Variants in TRDN observed in about 807,000 individuals in gnomAD.
The protein encoded by TRDN is triadin in skeletal muscle.
Under a neutral mutation model 149.7 loss-of-function variants are expected in TRDN, and 161 were observed. The ratio of observed to expected loss-of-function variants is 1.08; its 90% CI spans 0.95 to 1.23. The LOEUF (loss-of-function observed/expected upper bound fraction) is 1.23, where lower values mean the gene tolerates loss of function less well. TRDN is among the 50% of genes most tolerant of loss of function. TRDN has a pLI of 0.00. For synonymous variants in TRDN, 294 were observed against 250.5 expected (o/e 1.17, Z -1.64); for missense variants, 896 against 823.5 (o/e 1.09, Z -1.08).
At chr6:123,370,966 T>C (rs1163069149) in intron 19 of TRDN, among the ~76,000 whole-genome samples, 1 of 151,644 alleles carries the variant, frequency 6.6e-6, no homozygotes, top group Non-Finnish European at 1.5e-5. Flanking sequence ...TATTAATCTC[T>C]TGCTATTTAA....
At chr6:123,480,871 G>A (rs545520179) in intron 9 of TRDN, among the ~76,000 whole-genome samples, 1 of 152,050 alleles carries the variant, frequency 6.6e-6, no homozygotes, top group East Asian at 1.9e-4. Flanking sequence ...TTGATTTTAG[G>A]ATTCTACTAA....
intron 24 of TRDN, among the ~76,000 whole-genome samples, chr6:123,302,898 C>CTT (rs1400745979): frequency 6.6e-6 from 1 of 152,084 alleles, no homozygotes; most frequent in Non-Finnish European, 1.5e-5. Context: ...TTGGACCACA[C>CTT]TTTAAATAGT....
chr6:123,548,590 G>A lies in TRDN; in HGVS notation c.255C>T (p.Gly85=), dbSNP rs751369332. ...CACGTACCAGTTTTAAAGGATCTGA[G>A]CCAATCTTGGCAATAGAGCTTGCTA... The part of the protein sequence containing the change: ...NFSASSIAKI[G]SDPLKLVRDA... The change falls in exon 3 of 41, where the codon GGC becomes GGT. Residue 85 remains glycine (G), a synonymous_variant. Coordinates refer to ENST00000334268, the MANE Select transcript of TRDN (RefSeq NM_006073.4). The A allele has an allele frequency of 1.1e-5, 16 of 1,483,354 alleles. 1 individual carries two copies. In the South Asian group the frequency reaches 2.1e-4, roughly 19 times the overall value. 91.9% of individuals were successfully genotyped at this position (1,483,354 alleles called of 1,614,324 possible).
intron 2 of TRDN, among the ~76,000 whole-genome samples, chr6:123,556,923 T>A (rs1781695222): frequency 6.6e-6 from 1 of 152,084 alleles, no homozygotes; most frequent in South Asian, 2.1e-4. Context: ...GTTCCCACCT[T>A]AACTGATGAC....
At chr6:123,468,051 C>T (rs374119893) in intron 9 of TRDN, among the ~76,000 whole-genome samples, 1 of 152,058 alleles carries the variant, frequency 6.6e-6, no homozygotes, top group African/African-American at 2.4e-5. Context: ...ATGGCAGATA[C>T]TCAAAATATT....
chr6:123,348,865 G>C (rs527543865), intron 21 of TRDN, among the ~76,000 whole-genome samples: 1 of 152,136 alleles, frequency 6.6e-6, no homozygotes, highest in East Asian at 1.9e-4. Flanking sequence ...ACATAAAGTT[G>C]GTTATTTCCT....
chr6:123,498,598 T>C, intron 8 of TRDN: 1 of 471,062 alleles, frequency 2.1e-6, no homozygotes, highest in South Asian at 1.5e-5. Context: ...TGCCCTTTGA[T>C]GTACTGGCAG....
intron 24 of TRDN, among the ~76,000 whole-genome samples, chr6:123,293,601 C>G (rs1422878496): frequency 1.3e-5 from 2 of 152,038 alleles, no homozygotes; most frequent in African/African-American, 4.8e-5. Flanking sequence ...ATTGTCCTGC[C>G]ACCCCCATTG....
intron 24 of TRDN, among the ~76,000 whole-genome samples, chr6:123,304,684 C>T (rs993741286): frequency 5.3e-5 from 8 of 151,884 alleles, no homozygotes; most frequent in Admixed American, 1.3e-4. Context: ...ACTGTGTTTT[C>T]GGTGCACAGC....
At chr6:123,407,577 ATTCCCATATGC>A (rs1191938480) in intron 12 of TRDN, among the ~76,000 whole-genome samples, 2 of 151,914 alleles carry the variant, frequency 1.3e-5, no homozygotes, top group African/African-American at 4.8e-5. Context: ...CTCCCATAAA[ATTCCCATATGC>A]ATCTTGTTTT....
At chr6:123,321,997 A>G (rs997151378) in intron 23 of TRDN, among the ~76,000 whole-genome samples, 2 of 152,150 alleles carry the variant, frequency 1.3e-5, no homozygotes, top group African/African-American at 2.4e-5. Context: ...CTGCTACTAC[A>G]TAGCTTTTCA....
intron 1 of TRDN, among the ~76,000 whole-genome samples, chr6:123,595,411 C>T (rs1783985253): frequency 6.6e-6 from 1 of 152,092 alleles, no homozygotes; most frequent in Non-Finnish European, 1.5e-5. Flanking sequence ...ATTTGCCCTG[C>T]AGTGGATCCT....
intron 9 of TRDN, among the ~76,000 whole-genome samples, chr6:123,484,484 C>T (rs760163677): frequency 1.3e-5 from 2 of 152,144 alleles, no homozygotes; most frequent in Non-Finnish European, 2.9e-5. Context: ...ATAAATAACA[C>T]ATAATTATTT....
chr6:123,554,717 G>A (rs1038331188), intron 2 of TRDN, among the ~76,000 whole-genome samples: 4 of 151,986 alleles, frequency 2.6e-5, no homozygotes, highest in African/African-American at 9.6e-5. Flanking sequence ...GCCTAAGTTG[G>A]GAAGAAAGAA....
intron 9 of TRDN, among the ~76,000 whole-genome samples, chr6:123,474,959 A>G (rs1283124364): frequency 6.6e-6 from 1 of 152,222 alleles, no homozygotes; most frequent in African/African-American, 2.4e-5. Flanking sequence ...AAAGCAGGAA[A>G]GATCCAAAAT....
rs1786224585 is a variant in TRDN at position 123,635,019 on chromosome 6, A to G, written c.22+1735T>C. ...TAAAAAGTCTTTTGAATCAAATGCAAGTTCTACAAAACATAATCCACAAGC... is the reference window on the plus strand; with the variant it reads ...TAAAAAGTCTTTTGAATCAAATGCAGGTTCTACAAAACATAATCCACAAGC... On this transcript the variant is annotated intron_variant, in intron 1 of 40. Coordinates refer to ENST00000334268, the MANE Select transcript of TRDN (RefSeq NM_006073.4). Among the ~76,000 whole-genome samples the G allele has an allele frequency of 1.3e-5, 2 of 151,964 alleles. 1 individual carries two copies. Among genetic ancestry groups the G allele is most frequent in the African/African-American group, 4.8e-5 (2 of 41,416 alleles).
Position 123,273,337 on chromosome 6 carries a change from T to A in TRDN, c.1624A>T (p.Lys542Ter), listed in dbSNP as rs1253085578. Residue 542 changes from lysine to a stop codon, truncating the protein, a stop_gained and splice_region_variant, in exon 28 of 41, where the codon AAA becomes TAA. Transcript: ENST00000334268. LOFTEE classifies it high-confidence loss of function. ...PAISEKVQIH[K>*]QDIVKPEKTV... ...CATAAAAGATAAAATTAATACATACTGTGTATTTGCACTTTTTCAGATATA... is the reference window on the plus strand; with the variant it reads ...CATAAAAGATAAAATTAATACATACAGTGTATTTGCACTTTTTCAGATATA... 2.8e-6 allele frequency: 3 copies of A among 1,065,478 alleles called. No homozygotes were observed. Among genetic ancestry groups the A allele is most frequent in the Non-Finnish European group, 3.8e-6 (3 of 787,436 alleles). 66.0% of individuals were successfully genotyped at this position (1,065,478 alleles called of 1,614,324 possible).
chr6:123,326,999 A>G (rs897246913), intron 23 of TRDN, among the ~76,000 whole-genome samples: 1 of 152,080 alleles, frequency 6.6e-6, no homozygotes, highest in Non-Finnish European at 1.5e-5. Flanking sequence ...CAAAAGCTAT[A>G]TATATTCTTC....
At position 123,503,412 on chromosome 6, in the gene TRDN, A is replaced by C. The variant is rs987135162; in HGVS notation, c.793+307T>G. On this transcript the variant is annotated intron_variant, in intron 8 of 40. Coordinates refer to ENST00000334268, the MANE Select transcript of TRDN (RefSeq NM_006073.4). ...TACAATCTTTATTCCACCTCTTAAT[A>C]GACATTCCATATCTCAAAAATTCAA... The C allele has an allele frequency of 1.7e-5, 17 of 985,174 alleles. No homozygotes were observed. The Admixed American group carries it at 5.5e-4, about 32-fold the overall frequency. The allele number at this position is 985,174 out of a possible 1,614,324, so 61.0% of individuals were successfully genotyped here.
Sources: allele counts gnomAD v4.1 joint callset (sites outside exome capture counted in the v4.1 genomes callset), GRCh38; gene constraint gnomAD v4.1.1; transcripts MANE v1.5; gene names NCBI Gene and HGNC (gene_info 2026-07-23, HGNC 2026-07-21).